SEC14L1: variants seen among roughly 807,000 people sequenced by gnomAD.
SEC14L1 encodes the protein SEC14-like protein 1.
A neutral mutation model predicts 85.3 loss-of-function variants in SEC14L1; 48 were observed. The observed-to-expected ratio is 0.56, with a 90% CI of 0.45 to 0.72. The LOEUF (loss-of-function observed/expected upper bound fraction) is 0.72. Among genes scored for constraint, SEC14L1 ranks in the 30% least tolerant of loss-of-function variants. The pLI, the probability that SEC14L1 is intolerant of heterozygous loss-of-function variation, is 0.00. For missense variants in SEC14L1, 682 were observed against 921.4 expected (o/e 0.74, Z 3.36); for synonymous variants, 391 against 355.5 (o/e 1.10, Z -1.12).
At chr17:77,113,661 G>A (rs374356008) in intron 3 of SEC14L1, among the ~76,000 whole-genome samples, 3 of 152,132 alleles carry the variant, frequency 2.0e-5, no homozygotes, top group African/African-American at 7.2e-5. Flanking sequence ...CACGAGAATT[G>A]CTTGAACCCA....
chr17:77,189,433 G>A (rs1373409818), intron 3 of SEC14L1, among the ~76,000 whole-genome samples: 1 of 152,128 alleles, frequency 6.6e-6, no homozygotes, highest in African/African-American at 2.4e-5. Flanking sequence ...GTTACCAAGA[G>A]GGACTCCATT....
At chr17:77,101,621 C>T (rs115224311) in intron 3 of SEC14L1, among the ~76,000 whole-genome samples, 1 of 152,150 alleles carries the variant, frequency 6.6e-6, no homozygotes, top group Non-Finnish European at 1.5e-5. Flanking sequence ...GCAAAGGACT[C>T]CCCTGGGGAT....
rs1291461540 is a variant in SEC14L1 at position 77,203,589 on chromosome 17, G to A, written c.1029G>A (p.Val343=). ...CTGCAGATGGGCGGCCCCTCTACGT[G>A]CTCAGGCTGGGGCAGATGGACACCA... ...HHDKDGRPLY[V]LRLGQMDTKG... is the part of the protein sequence containing the mutation. The change falls in exon 10 of 17, where the codon GTG becomes GTA. Residue 343 remains valine, a synonymous_variant. Transcript: ENST00000436233. 1.1e-5 allele frequency: 17 copies of A among 1,613,512 alleles called. No individual in the cohort carries two copies. Among genetic ancestry groups the A allele is most frequent in the Non-Finnish European group, 1.4e-5 (16 of 1,179,870 alleles).
chr17:77,154,571 A>G (rs987937611), intron 3 of SEC14L1, among the ~76,000 whole-genome samples: 15 of 151,942 alleles, frequency 9.9e-5, no homozygotes, highest in African/African-American at 3.6e-4. Flanking sequence ...GATTGGAGGG[A>G]CATCCTGGAA....
chr17:77,186,535 C>G (rs981476641), intron 3 of SEC14L1, among the ~76,000 whole-genome samples: 4 of 152,266 alleles, frequency 2.6e-5, no homozygotes, highest in African/African-American at 9.6e-5. Context: ...CCTGTACTGA[C>G]TACCATGGTC....
chr17:77,180,030 GATGTT>G (rs1167030361), intron 3 of SEC14L1, among the ~76,000 whole-genome samples: 1 of 145,864 alleles, frequency 6.9e-6, no homozygotes, highest in Non-Finnish European at 1.5e-5. Context: ...GTTTTATTTT[GATGTT>G]ATGTTTTGTT....
In SEC14L1 at chr17:77,182,620, G is replaced by A. The variant is rs145931642; in HGVS notation, c.64-8183G>A. Among the ~76,000 whole-genome samples the A allele has an allele frequency of 4.2e-3, 637 of 152,330 alleles. 7 individuals are homozygous for A. The highest frequency in any genetic ancestry group is 0.015 in the African/African-American group (614 of 41,566). On this transcript the variant is annotated intron_variant, in intron 3 of 16. Coordinates refer to ENST00000436233, the MANE Select transcript of SEC14L1 (RefSeq NM_001143998.2). Reference sequence around the variant, plus strand: ...CTCTCTGAGGAACTTACTTCTGGGAGAGTTCATTTCGTCCAGCCTTTCTTG... The same window carrying A: ...CTCTCTGAGGAACTTACTTCTGGGAAAGTTCATTTCGTCCAGCCTTTCTTG...
chr17:77,209,080 C>T (rs1336029955), intron 13 of SEC14L1, among the ~76,000 whole-genome samples: 1 of 152,186 alleles, frequency 6.6e-6, no homozygotes, highest in Non-Finnish European at 1.5e-5. Context: ...GGGTGCAGTG[C>T]CTCACGCATT....
In SEC14L1 at chr17:77,216,240, C is replaced by G; in HGVS notation, c.*2217C>G. The G allele has an allele frequency of 2.0e-6, 2 of 1,001,442 alleles. No individual in the cohort carries two copies. The highest frequency in any genetic ancestry group is 2.9e-5 in the South Asian group (1 of 34,284). The allele number at this position is 1,001,442 out of a possible 1,614,324, so 62.0% of individuals were successfully genotyped here. On this transcript the variant is annotated 3_prime_UTR_variant, in exon 17 of 17. Transcript: ENST00000436233. ...GTAGGTAGGGTTCGTAGGTAGGGTT[C>G]GTAGGTAGGGTTCGTAGGTAGGGTT...
At chr17:77,189,941 T>C (rs942272498) in intron 3 of SEC14L1, among the ~76,000 whole-genome samples, 1 of 152,244 alleles carries the variant, frequency 6.6e-6, no homozygotes, top group African/African-American at 2.4e-5. Context: ...ACAGGGTCTT[T>C]CGCTGAGCAA....
At chr17:77,181,596 A>C (rs1423905200) in intron 3 of SEC14L1, among the ~76,000 whole-genome samples, 4 of 152,114 alleles carry the variant, frequency 2.6e-5, no homozygotes, top group Non-Finnish European at 5.9e-5. Flanking sequence ...TTTTTAGTAG[A>C]GATGGGGTCT....
At chr17:77,139,133 C>T (rs552986569), upstream of SEC14L1, among the ~76,000 whole-genome samples, 31 of 149,940 alleles carry the variant, frequency 2.1e-4, no homozygotes, top group Non-Finnish European at 4.3e-4. Context: ...CTGGTGGTTG[C>T]ATCTAGAAGT....
At chr17:77,154,305 T>C (rs1448606010) in intron 3 of SEC14L1, among the ~76,000 whole-genome samples, 1 of 151,990 alleles carries the variant, frequency 6.6e-6, no homozygotes, top group Non-Finnish European at 1.5e-5. Flanking sequence ...ACTCTGTCTC[T>C]ATGATAAACT....
At chr17:77,126,966 T>TC (rs1972466613) in intron 3 of SEC14L1, among the ~76,000 whole-genome samples, 1 of 149,422 alleles carries the variant, frequency 6.7e-6, no homozygotes, top group African/African-American at 2.5e-5. Context: ...CTTTTTTTTC[T>TC]CTCTCTCTTT....
chr17:77,197,347 G>A (rs1163746609), intron 8 of SEC14L1, among the ~76,000 whole-genome samples: 2 of 152,192 alleles, frequency 1.3e-5, no homozygotes, highest in African/African-American at 2.4e-5. Flanking sequence ...ATTCAGGGAG[G>A]CCAACCTGTT....
chr17:77,102,597 A>G (rs567156428), intron 3 of SEC14L1, among the ~76,000 whole-genome samples: 39 of 151,632 alleles, frequency 2.6e-4, no homozygotes, highest in African/African-American at 8.2e-4. Context: ...TCCCCCTCCC[A>G]GGTTCAAGTG....
At chr17:77,132,604 C>A (rs928329409) in intron 3 of SEC14L1, among the ~76,000 whole-genome samples, 1 of 152,190 alleles carries the variant, frequency 6.6e-6, no homozygotes, top group Non-Finnish European at 1.5e-5. Flanking sequence ...AGCACAAATG[C>A]CAGGGCGTAT....
chr17:77,213,350 C>T lies in SEC14L1; in HGVS notation c.1900C>T (p.Leu634=), dbSNP rs1314868896. The T allele has an allele frequency of 5.6e-6, 9 of 1,612,988 alleles. No homozygotes were observed. The highest frequency in any genetic ancestry group is 1.1e-5 in the South Asian group (1 of 91,006). ...GACCAGGTGGCCGGGCTTCTACATC[C>T]TGCAGTGGAAATTCCACAGCATGCC... is the stretch of plus-strand genomic sequence containing the variant. ...HVTRWPGFYI[L]QWKFHSMPAC... is the part of the protein sequence containing the mutation. Residue 634 remains leucine, a synonymous_variant, in exon 16 of 17, where the codon CTG becomes TTG. Coordinates refer to ENST00000436233, the MANE Select transcript of SEC14L1 (RefSeq NM_001143998.2). This position sits in a 1 kb window ranked among gnomAD's most constrained non-coding sequence, Gnocchi z 7.1.
At chr17:77,155,730 T>C (rs1391790094) in intron 3 of SEC14L1, among the ~76,000 whole-genome samples, 1 of 152,166 alleles carries the variant, frequency 6.6e-6, no homozygotes, top group African/African-American at 2.4e-5. Flanking sequence ...CTCATCTTTA[T>C]TTATTTATTT....
Sources: allele counts gnomAD v4.1 joint callset (sites outside exome capture counted in the v4.1 genomes callset), GRCh38; gene constraint gnomAD v4.1.1; non-coding constraint Gnocchi (gnomAD v3.1); transcripts MANE v1.5; gene names NCBI Gene and HGNC (gene_info 2026-07-23, HGNC 2026-07-21).